Variants in SUSD6 observed in about 807,000 individuals in gnomAD.
SUSD6 encodes sushi domain containing 6.
In SUSD6, 16 loss-of-function variants were observed where a neutral mutation model predicts 28.4. The ratio of observed to expected loss-of-function variants is 0.56; its 90% CI spans 0.38 to 0.86. The LOEUF (loss-of-function observed/expected upper bound fraction) is 0.86, where lower values mean the gene tolerates loss of function less well. Ranked by LOEUF, SUSD6 falls within the 40% of genes least tolerant of loss-of-function variation. SUSD6 has a pLI of 0.00. For missense variants in SUSD6, 341 were observed against 384.2 expected (o/e 0.89, Z 0.94); for synonymous variants, 147 against 159.6 (o/e 0.92, Z 0.59).
intron 1 of SUSD6, among the ~76,000 whole-genome samples, chr14:69,654,709 TTTCTCCTTCCCCGTTAAC>T (rs1885552286): frequency 6.6e-6 from 1 of 152,136 alleles, no homozygotes; most frequent in South Asian, 2.1e-4. Flanking sequence ...AAAAATTTTT[TTTCTCCTTCCCCGTTAAC>T]CACTCAGTTC....
Position 69,703,377 on chromosome 14 carries a change from C to T in SUSD6, c.122-18C>T, listed in dbSNP as rs1886339219. On this transcript the variant is annotated intron_variant, in intron 2 of 5. Coordinates refer to ENST00000342745, the MANE Select transcript of SUSD6 (RefSeq NM_014734.4). ...GATACCTCACCACTGTACCCCTGCT[C>T]TCTCCCTGTCTTTGCAGTGTGCCCC... 3 of 1,607,568 alleles carry T rather than the reference C, an allele frequency of 1.9e-6. No individual in the cohort carries two copies. Among genetic ancestry groups the T allele is most frequent in the Non-Finnish European group, 2.6e-6 (3 of 1,175,482 alleles).
rs928429806 is a variant in SUSD6 at position 69,711,128 on chromosome 14, G to A, written c.*149G>A. On this transcript the variant is annotated 3_prime_UTR_variant, in exon 6 of 6. Transcript: ENST00000342745. ...CTGTGTATCTCTGAGGGCCCTATAGGCCCACCTTGCTGGAAACTCAAGGAA... is the reference window on the plus strand; with the variant it reads ...CTGTGTATCTCTGAGGGCCCTATAGACCCACCTTGCTGGAAACTCAAGGAA... 5 of 709,018 alleles carry A rather than the reference G, an allele frequency of 7.1e-6. No individual in the cohort carries two copies. In the African/African-American group the frequency reaches 8.9e-5, roughly 13 times the overall value. The allele number at this position is 709,018 out of a possible 1,614,324, so 43.9% of individuals were successfully genotyped here.
chr14:69,657,765 C>G (rs901758326), intron 1 of SUSD6, among the ~76,000 whole-genome samples: 1 of 152,112 alleles, frequency 6.6e-6, no homozygotes, highest in Non-Finnish European at 1.5e-5. Context: ...TCTTTAAAGT[C>G]TTGAGCTCTG....
chr14:69,662,468 G>A (rs1422756595), intron 2 of SUSD6, among the ~76,000 whole-genome samples: 1 of 152,088 alleles, frequency 6.6e-6, no homozygotes, highest in Non-Finnish European at 1.5e-5. Context: ...TCTACAGCTC[G>A]AGATTTGCAG....
intron 2 of SUSD6, among the ~76,000 whole-genome samples, chr14:69,672,636 A>C (rs1352669843): frequency 6.6e-6 from 1 of 152,242 alleles, no homozygotes; most frequent in Non-Finnish European, 1.5e-5. Context: ...GATGTGTACC[A>C]GGAAGTGTCA....
chr14:69,692,672 G>C (rs1886169216), intron 2 of SUSD6, among the ~76,000 whole-genome samples: 1 of 152,206 alleles, frequency 6.6e-6, no homozygotes, highest in Admixed American at 6.5e-5. Flanking sequence ...AGGCCCTGCT[G>C]TGTATGCCTG....
rs1345139787 is a variant in SUSD6, at chr14:69,611,602, G to T, written c.-307G>T. The T allele has an allele frequency of 6.7e-6, 1 of 149,484 alleles. No individual in the cohort carries two copies. Among genetic ancestry groups the T allele is most frequent in the African/African-American group, 2.4e-5 (1 of 40,840 alleles). 9.3% of individuals were successfully genotyped at this position (149,484 alleles called of 1,614,324 possible). ...CGCGCGGTACAGCTGGGTCAGTGAC[G>T]CGGGCGCTGCAGCCGTCGCTACCGC... On this transcript the variant is annotated 5_prime_UTR_variant, in exon 1 of 6. Coordinates refer to ENST00000342745, the MANE Select transcript of SUSD6 (RefSeq NM_014734.4).
intron 2 of SUSD6, among the ~76,000 whole-genome samples, chr14:69,698,243 G>A (rs1054991809): frequency 1.7e-4 from 26 of 152,186 alleles, no homozygotes; most frequent in African/African-American, 6.3e-4. Context: ...CAGGAGAATC[G>A]CTTGAACCCA....
At chr14:69,652,443 A>T (rs536860945) in intron 1 of SUSD6, among the ~76,000 whole-genome samples, 1 of 152,194 alleles carries the variant, frequency 6.6e-6, no homozygotes, top group African/African-American at 2.4e-5. Context: ...ACAGAGTGAG[A>T]CTCTGTCTCG....
intron 2 of SUSD6, among the ~76,000 whole-genome samples, chr14:69,680,884 G>T (rs1408914322): frequency 6.6e-6 from 1 of 152,086 alleles, no homozygotes; most frequent in Non-Finnish European, 1.5e-5. Flanking sequence ...CAGTCAAAAC[G>T]AAGACTCAGC....
intron 4 of SUSD6, 84 bp from the exon 5 acceptor site, chr14:69,708,593 T>C (rs898495125): frequency 2.4e-5 from 28 of 1,174,208 alleles, no homozygotes; most frequent in Admixed American, 1.5e-4. Context: ...TCAAAAATGG[T>C]GGCGGCTGCT....
intron 2 of SUSD6, among the ~76,000 whole-genome samples, chr14:69,679,458 T>G (rs1449185869): frequency 1.3e-5 from 2 of 152,220 alleles, no homozygotes; most frequent in African/African-American, 4.8e-5. Flanking sequence ...CACAAATTCT[T>G]TGGGCATCCT....
intron 4 of SUSD6, among the ~76,000 whole-genome samples, chr14:69,705,390 C>T (rs569724385): frequency 3.4e-4 from 52 of 151,958 alleles, no homozygotes; most frequent in African/African-American, 1.0e-3. Context: ...CTACACCAGT[C>T]GTTCTCAAAG....
At chr14:69,628,280 T>C (rs1885144437) in intron 1 of SUSD6, among the ~76,000 whole-genome samples, 1 of 152,188 alleles carries the variant, frequency 6.6e-6, no homozygotes, top group South Asian at 2.1e-4. Context: ...GATCACTTTC[T>C]CTCACCACGT....
chr14:69,655,921 A>G (rs1885575676), intron 1 of SUSD6, among the ~76,000 whole-genome samples: 1 of 152,088 alleles, frequency 6.6e-6, no homozygotes, highest in East Asian at 1.9e-4. Flanking sequence ...TGCCAGTATG[A>G]TCTTCCTAAA....
chr14:69,642,347 A>G (rs1885364364), intron 1 of SUSD6, among the ~76,000 whole-genome samples: 1 of 152,210 alleles, frequency 6.6e-6, no homozygotes, highest in African/African-American at 2.4e-5. Flanking sequence ...CCTGTGTATT[A>G]GAAGACTTTT....
chr14:69,648,224 C>T (rs1885455583), intron 1 of SUSD6, among the ~76,000 whole-genome samples: 1 of 151,990 alleles, frequency 6.6e-6, no homozygotes, highest in South Asian at 2.1e-4. Context: ...TTATTAAGTA[C>T]CATTTTATAG....
chr14:69,680,102 G>A (rs528794081), intron 2 of SUSD6, among the ~76,000 whole-genome samples: 157 of 152,254 alleles, frequency 1.0e-3, no homozygotes, highest in African/African-American at 3.7e-3. Context: ...TAAGAATGGT[G>A]TACACTCTCA....
intron 1 of SUSD6, among the ~76,000 whole-genome samples, chr14:69,623,750 A>C (rs1199122406): frequency 6.6e-6 from 1 of 152,184 alleles, no homozygotes; most frequent in African/African-American, 2.4e-5. Context: ...GCCTAGGCTA[A>C]TGTGTGTGTT....
Sources: allele counts gnomAD v4.1 joint callset (sites outside exome capture counted in the v4.1 genomes callset), GRCh38; gene constraint gnomAD v4.1.1; transcripts MANE v1.5; gene names NCBI Gene and HGNC (gene_info 2026-07-23, HGNC 2026-07-21).